The following LYST variants were observed in gnomAD, a reference collection of about 807,000 sequenced individuals.
LYST encodes the protein lysosomal-trafficking regulator.
In LYST, 192 loss-of-function variants were observed where a neutral mutation model predicts 413.6. That is an observed-to-expected ratio of 0.46 (90% CI 0.41 to 0.52). LYST has a LOEUF of 0.52. Among genes scored for constraint, LYST ranks in the 20% least tolerant of loss-of-function variants. The pLI, the probability that LYST is intolerant of heterozygous loss-of-function variation, is 0.00. For synonymous variants in LYST, 1,525 were observed against 1,567.3 expected, an observed-to-expected ratio of 0.97 and a Z score of 0.64; for missense variants, 3,815 against 4,499.9, an observed-to-expected ratio of 0.85 and a Z score of 4.35.
chr1:235,742,446 C>T (rs1329271687), intron 30 of LYST, among the ~76,000 whole-genome samples: 1 of 150,068 alleles, frequency 6.7e-6, no homozygotes, highest in Non-Finnish European at 1.5e-5. Context: ...CAGACTGAGA[C>T]TCCATCTCAG....
intron 10 of LYST, among the ~76,000 whole-genome samples, chr1:235,799,086 C>T (rs909274338): frequency 2.0e-5 from 3 of 152,110 alleles, no homozygotes; most frequent in African/African-American, 7.2e-5. Context: ...CACAAGGGTT[C>T]ACTAAGTGTC....
intron 22 of LYST, among the ~76,000 whole-genome samples, chr1:235,761,035 C>T (rs1159502428): frequency 6.6e-6 from 1 of 152,140 alleles, no homozygotes; most frequent in East Asian, 1.9e-4. Flanking sequence ...GGGTGGCTCA[C>T]TTGAGCCCAA....
chr1:235,763,597 T>C lies in LYST; in HGVS notation c.6122-746A>G, dbSNP rs1006191899. 6.6e-5 allele frequency among the ~76,000 whole-genome samples: 10 copies of C among 152,006 alleles called. No individual in the cohort carries two copies. In the South Asian group the frequency reaches 2.1e-3, roughly 32 times the overall value. On this transcript the variant is annotated intron_variant, in intron 21 of 52. Coordinates refer to ENST00000389793, the MANE Select transcript of LYST (RefSeq NM_000081.4). ...TCCCGAGTAGCTGGGATTACAGGCA[T>C]GTGCCACCACGCCCAGCAACTTTTT...
chr1:235,724,887 G>A (rs1663711122), intron 38 of LYST, among the ~76,000 whole-genome samples: 1 of 152,190 alleles, frequency 6.6e-6, no homozygotes, highest in Non-Finnish European at 1.5e-5. Flanking sequence ...AAATGTAGAG[G>A]AACTGGAAAA....
intron 50 of LYST, among the ~76,000 whole-genome samples, chr1:235,671,677 T>G (rs147117876): frequency 4.9e-4 from 74 of 152,294 alleles, no homozygotes; most frequent in African/African-American, 1.6e-3. Flanking sequence ...CTTGGCATGT[T>G]TAAGGAATAA....
intron 42 of LYST, chr1:235,712,601 C>T (rs1477001723): frequency 1.0e-6 from 1 of 984,194 alleles, no homozygotes; most frequent in Non-Finnish European, 1.2e-6. Flanking sequence ...TTCAAGTAGG[C>T]AAACAGTTTT....
chr1:235,713,338 A>T (rs2103129732), intron 42 of LYST, among the ~76,000 whole-genome samples: 1 of 152,336 alleles, frequency 6.6e-6, no homozygotes, highest in African/African-American at 2.4e-5. Context: ...TAAAAGAAAA[A>T]TTAAGGTAAT....
intron 14 of LYST, 45 bp from the exon 15 acceptor site, chr1:235,782,132 T>G (rs1340523191): frequency 1.3e-6 from 2 of 1,520,550 alleles, no homozygotes; most frequent in African/African-American, 2.8e-5. Flanking sequence ...CTTTAGGAAG[T>G]CTAGTACTAA....
At chr1:235,807,316 G>A (rs138666760) in intron 5 of LYST, among the ~76,000 whole-genome samples, 24 of 152,300 alleles carry the variant, frequency 1.6e-4, no homozygotes, top group African/African-American at 5.8e-4. Flanking sequence ...ACAGTCAATG[G>A]TACAAATATT....
chr1:235,684,050 T>C (rs1057495377), intron 48 of LYST, among the ~76,000 whole-genome samples: 2 of 152,206 alleles, frequency 1.3e-5, no homozygotes, highest in Admixed American at 6.5e-5. Context: ...AGCTGAAAAA[T>C]CTGCTTTAAG....
At chr1:235,845,652 C>G (rs1008910063) in intron 1 of LYST, among the ~76,000 whole-genome samples, 1 of 151,762 alleles carries the variant, frequency 6.6e-6, no homozygotes, top group Non-Finnish European at 1.5e-5. Flanking sequence ...AGGGGGGACA[C>G]GGTGGGAGTG....
intron 31 of LYST, chr1:235,738,998 G>GACATTTAAAGAA: frequency 1.4e-6 from 1 of 708,198 alleles, no homozygotes; most frequent in Non-Finnish European, 2.7e-6. Context: ...AAAGTCTTCT[G>GACATTTAAAGAA]ATGTCATACT....
chr1:235,678,802 T>C (rs1659582771), intron 48 of LYST, among the ~76,000 whole-genome samples: 1 of 152,196 alleles, frequency 6.6e-6, no homozygotes, highest in Non-Finnish European at 1.5e-5. Flanking sequence ...TATACTTCCA[T>C]TATGTTACTA....
At chr1:235,736,859 C>T (rs1215076834) in intron 31 of LYST, 26 of 150,288 alleles carry the variant, frequency 1.7e-4, no homozygotes, top group Admixed American at 1.7e-3. Context: ...AAAAAAAAGT[C>T]AGTTACCTAC....
At chr1:235,753,836 G>A (rs1332979521) in intron 25 of LYST, among the ~76,000 whole-genome samples, 2 of 152,082 alleles carry the variant, frequency 1.3e-5, no homozygotes, top group African/African-American at 4.8e-5. Flanking sequence ...ATGCACAATT[G>A]TTTCGTGAAA....
At chr1:235,787,669 A>G (rs1446269975) in intron 13 of LYST, among the ~76,000 whole-genome samples, 1 of 152,138 alleles carries the variant, frequency 6.6e-6, no homozygotes, top group Non-Finnish European at 1.5e-5. Context: ...CTATTTATAT[A>G]GCCATTGCCC....
intron 21 of LYST, among the ~76,000 whole-genome samples, chr1:235,765,401 A>G (rs915214864): frequency 2.0e-5 from 3 of 152,200 alleles, no homozygotes; most frequent in Non-Finnish European, 4.4e-5. Context: ...CTACTGCAAT[A>G]ATTTACTTAT....
chr1:235,859,123 T>C (rs1679561916), intron 1 of LYST, among the ~76,000 whole-genome samples: 1 of 152,224 alleles, frequency 6.6e-6, no homozygotes, highest in Non-Finnish European at 1.5e-5. Flanking sequence ...TCCTGGATAC[T>C]AACTTATATC....
At chr1:235,726,818 C>T (rs938244903) in intron 38 of LYST, among the ~76,000 whole-genome samples, 2 of 152,168 alleles carry the variant, frequency 1.3e-5, no homozygotes, top group African/African-American at 2.4e-5. Context: ...TCTTCTGTCA[C>T]CTCATGTCAA....
Sources: gnomAD v4.1 joint callset for allele counts (sites outside exome capture counted in the v4.1 genomes callset) on GRCh38, gnomAD v4.1.1 for gene constraint, MANE v1.5 for transcripts, NCBI Gene and HGNC (gene_info 2026-07-23, HGNC 2026-07-21) for gene names.